The following DHX29 variants were observed in gnomAD, a reference collection of about 807,000 sequenced individuals.
DHX29 encodes the protein ATP-dependent RNA helicase DHX29.
Under a neutral mutation model 167.9 loss-of-function variants are expected in DHX29, and 79 were observed. That is an observed-to-expected ratio of 0.47 (90% CI 0.39 to 0.57). The LOEUF (loss-of-function observed/expected upper bound fraction) is 0.57. Among genes scored for constraint, DHX29 ranks in the 20% least tolerant of loss-of-function variants. DHX29 has a pLI of 0.00. For missense variants in DHX29, 1,347 were observed against 1,593.4 expected (o/e 0.85, Z 2.63); for synonymous variants, 530 against 546.0 (o/e 0.97, Z 0.41).
In DHX29 at chr5:55,267,134, T is replaced by C. The variant is rs773183239; in HGVS notation, c.3525+4A>G. On this transcript the variant is annotated splice_donor_region_variant and intron_variant, in intron 23 of 26. Transcript: ENST00000251636. ...CTGAGTGAGAGATCCATATTAAGAA[T>C]TACCTCTAGGGTTAACAGTGATGTT... 1 of 1,588,490 alleles carries C rather than the reference T, an allele frequency of 6.3e-7. No individual in the cohort carries two copies. Among genetic ancestry groups the C allele is most frequent in the South Asian group, 1.1e-5 (1 of 88,218 alleles).
intron 17 of DHX29, among the ~76,000 whole-genome samples, chr5:55,273,056 A>G (rs1746930965): frequency 6.6e-6 from 1 of 152,230 alleles, no homozygotes; most frequent in African/African-American, 2.4e-5. Context: ...ATGTTTTTCA[A>G]CTAGCACTCC....
At chr5:55,271,162 G>A (rs1746836555) in intron 18 of DHX29, among the ~76,000 whole-genome samples, 1 of 152,130 alleles carries the variant, frequency 6.6e-6, no homozygotes, top group African/African-American at 2.4e-5. Flanking sequence ...TGCAAATATT[G>A]CTATGGTTTC....
chr5:55,280,758 TTCATA>T (rs1159549281), intron 12 of DHX29, among the ~76,000 whole-genome samples: 1 of 152,204 alleles, frequency 6.6e-6, no homozygotes, highest in African/African-American at 2.4e-5. Flanking sequence ...GACCTGCTTC[TTCATA>T]GTAGTTCACT....
At chr5:55,273,434 G>C (rs1437234719) in intron 16 of DHX29, 57 bp from the exon 17 acceptor site, 1 of 1,421,846 alleles carries the variant, frequency 7.0e-7, no homozygotes, top group Non-Finnish European at 9.3e-7. Flanking sequence ...ACACTGCAAA[G>C]AATAACAAAA....
intron 1 of DHX29, among the ~76,000 whole-genome samples, chr5:55,300,563 C>T (rs7705875): frequency 0.14 from 20,830 of 152,020 alleles, 1,740 homozygotes; most frequent in East Asian, 0.26. Context: ...ATCCCAGCTA[C>T]TTGGGAAGCT....
At chr5:55,277,327 A>C (rs1297480140) in intron 12 of DHX29, 45 bp from the exon 13 acceptor site, 28 of 1,331,746 alleles carry the variant, frequency 2.1e-5, no homozygotes, top group Non-Finnish European at 2.9e-5. Context: ...ATATTGTATA[A>C]ATTCTAGTAA....
intron 1 of DHX29, 120 bp downstream of exon 1, chr5:55,307,267 T>C: frequency 4.7e-6 from 4 of 850,222 alleles, no homozygotes; most frequent in Non-Finnish European, 7.1e-6. Context: ...AGGTAGCAGC[T>C]CGAGTGTTGG....
intron 26 of DHX29, among the ~76,000 whole-genome samples, chr5:55,256,962 C>T (rs1746086084): frequency 6.6e-6 from 1 of 152,060 alleles, no homozygotes; most frequent in East Asian, 1.9e-4. Context: ...GCAGAATTTC[C>T]AAAGTATGAG....
intron 1 of DHX29, among the ~76,000 whole-genome samples, chr5:55,300,663 A>G (rs970491296): frequency 3.3e-5 from 5 of 152,184 alleles, no homozygotes; most frequent in Non-Finnish European, 7.3e-5. Flanking sequence ...ACAGAGCGAG[A>G]CTCTGTCTCA....
rs759227759 is a variant in DHX29, at chr5:55,285,876, A to G, written c.1067-15T>C. On this transcript the variant is annotated splice_polypyrimidine_tract_variant and intron_variant, in intron 8 of 26. Coordinates refer to ENST00000251636, the MANE Select transcript of DHX29 (RefSeq NM_019030.4). ...TTTCTTTTTATCTAAAATGGTAAAC[A>G]AAGATTGGTTCTTTAAAAATGGTCA... is the stretch of plus-strand genomic sequence containing the variant. The G allele has an allele frequency of 5.2e-6, 8 of 1,536,926 alleles. No homozygotes were observed. Among genetic ancestry groups the G allele is most frequent in the Non-Finnish European group, 7.1e-6 (8 of 1,133,608 alleles).
chr5:55,300,015 T>C (rs936418611), intron 1 of DHX29, among the ~76,000 whole-genome samples: 1 of 152,238 alleles, frequency 6.6e-6, no homozygotes, highest in Non-Finnish European at 1.5e-5. Context: ...ATGTGGGTTA[T>C]GTCTATTGAT....
chr5:55,270,947 A>C (rs1433557290), intron 18 of DHX29, among the ~76,000 whole-genome samples: 2 of 152,240 alleles, frequency 1.3e-5, no homozygotes, highest in Non-Finnish European at 2.9e-5. Context: ...TTCTCATACT[A>C]ATCTGATCAC....
intron 24 of DHX29, 76 bp downstream of exon 24, chr5:55,262,554 T>C: frequency 2.0e-6 from 3 of 1,527,468 alleles, no homozygotes; most frequent in East Asian, 2.3e-5. Flanking sequence ...AAATACCTGT[T>C]AGGGCATCCT....
chr5:55,277,671 C>T (rs747865054), intron 12 of DHX29, among the ~76,000 whole-genome samples: 17 of 152,038 alleles, frequency 1.1e-4, no homozygotes, highest in African/African-American at 2.7e-4. Flanking sequence ...TTTAGGAGGC[C>T]GACGCGGGCG....
chr5:55,298,281 C>T (rs1033581803), intron 2 of DHX29, among the ~76,000 whole-genome samples: 1 of 152,026 alleles, frequency 6.6e-6, no homozygotes, highest in African/African-American at 2.4e-5. Flanking sequence ...ATGAGATGTC[C>T]CATGAACTAA....
chr5:55,271,428 C>T (rs1282081340), intron 18 of DHX29, among the ~76,000 whole-genome samples: 4 of 152,088 alleles, frequency 2.6e-5, no homozygotes, highest in African/African-American at 7.3e-5. Flanking sequence ...GTCAGGAGTT[C>T]GAGACCAGCC....
intron 18 of DHX29, among the ~76,000 whole-genome samples, chr5:55,271,660 C>G (rs769120941): frequency 1.3e-5 from 2 of 152,128 alleles, no homozygotes; most frequent in Non-Finnish European, 2.9e-5. Flanking sequence ...TCATTTTACC[C>G]ATTTACAAAT....
intron 11 of DHX29, 79 bp from the exon 12 acceptor site, chr5:55,281,594 G>A: frequency 6.8e-6 from 7 of 1,025,122 alleles, no homozygotes; most frequent in Non-Finnish European, 9.5e-6. Flanking sequence ...AAGCAGAGGT[G>A]CTGATCTTGC....
At chr5:55,256,653 C>G (rs1222996446) in intron 26 of DHX29, 113 bp from the exon 27 acceptor site, 1 of 797,732 alleles carries the variant, frequency 1.3e-6, no homozygotes, top group Non-Finnish European at 1.9e-6. Flanking sequence ...CATTAGAATA[C>G]AGAATTAACA....
Sources: gnomAD v4.1 joint callset for allele counts (sites outside exome capture counted in the v4.1 genomes callset) on GRCh38, gnomAD v4.1.1 for gene constraint, MANE v1.5 for transcripts, NCBI Gene and HGNC (gene_info 2026-07-23, HGNC 2026-07-21) for gene names.